Variants in TACC2 observed in about 807,000 individuals in gnomAD.
TACC2 encodes the protein transforming acidic coiled-coil-containing protein 2.
TACC2 carries 137 observed loss-of-function variants against 227.3 expected under a neutral mutation model. The observed-to-expected ratio is 0.60, with a 90% CI of 0.52 to 0.69. TACC2 has a LOEUF of 0.69. Among genes scored for constraint, TACC2 ranks in the 30% least tolerant of loss-of-function variants. The probability of loss-of-function intolerance (pLI) is 0.00; values close to 1 mark genes in which losing one functional copy is unlikely to be tolerated. For synonymous variants in TACC2, 1,523 were observed against 1,487.5 expected, an observed-to-expected ratio of 1.02 and a Z score of -0.55; for missense variants, 3,470 against 3,694.4, an observed-to-expected ratio of 0.94 and a Z score of 1.57.
At chr10:122,215,297 C>A in intron 9 of TACC2, 94 bp from the exon 10 acceptor site, 1 of 1,157,382 alleles carries the variant, frequency 8.6e-7, no homozygotes, top group Non-Finnish European at 1.3e-6. Flanking sequence ...GGCCAGATGG[C>A]TCCGCAGAGG....
In TACC2 at chr10:122,177,831, A is replaced by G. The variant is rs145199358; in HGVS notation, c.5835-17209A>G. On this transcript the variant is annotated intron_variant, in intron 7 of 22. Transcript: ENST00000369005. ...CTGCTAGAAGCTCCAGATCCTGGGT[A>G]GAACAACATGCCCCAGATTCACTGA... Among the ~76,000 whole-genome samples, 8 of 152,308 alleles carry G rather than the reference A, an allele frequency of 5.3e-5. No individual in the cohort carries two copies. In the East Asian group the frequency reaches 1.4e-3, roughly 26 times the overall value.
At chr10:122,152,524 T>A (rs1264624136) in intron 7 of TACC2, among the ~76,000 whole-genome samples, 1 of 152,190 alleles carries the variant, frequency 6.6e-6, no homozygotes, top group Non-Finnish European at 1.5e-5. Flanking sequence ...CCTTACTTGG[T>A]GGGCTGCAGT....
chr10:122,224,856 CAG>C (rs1440336375), intron 12 of TACC2, 69 bp downstream of exon 12: 1 of 1,300,962 alleles, frequency 7.7e-7, no homozygotes, highest in African/African-American at 1.5e-5. Flanking sequence ...CTCCCCTGTG[CAG>C]AGTGTCTCTG....
intron 1 of TACC2, among the ~76,000 whole-genome samples, chr10:122,013,557 A>G (rs1291298881): frequency 6.6e-6 from 1 of 152,154 alleles, no homozygotes; most frequent in African/African-American, 2.4e-5. Context: ...GTGAATAGCA[A>G]TGGGCTTAGG....
In TACC2 at chr10:122,082,143, A is replaced by G. The variant is rs541539274; in HGVS notation, c.147-504A>G. On this transcript the variant is annotated intron_variant, in intron 3 of 22. Coordinates refer to ENST00000369005, the MANE Select transcript of TACC2 (RefSeq NM_206862.4). ...AGCAACATGGCAAGACCCCATCTCT[A>G]CAAAAAATTTAAAAATTAGCTGGGT... Among the ~76,000 whole-genome samples, 22 of 152,282 alleles carry G rather than the reference A, an allele frequency of 1.4e-4. No individual in the cohort carries two copies. The South Asian group carries it at 4.4e-3, about 30-fold the overall frequency.
intron 3 of TACC2, among the ~76,000 whole-genome samples, chr10:122,063,024 C>T (rs1241594979): frequency 6.6e-6 from 1 of 151,924 alleles, no homozygotes; most frequent in African/African-American, 2.4e-5. Context: ...AGAACCGAGG[C>T]TGGTTTGATC....
chr10:122,176,533 A>C (rs1211130944), intron 7 of TACC2, among the ~76,000 whole-genome samples: 1 of 152,150 alleles, frequency 6.6e-6, no homozygotes, highest in African/African-American at 2.4e-5. Flanking sequence ...GCTCATCAAG[A>C]GTCGTAGCAT....
chr10:122,058,257 A>G (rs1045763131), intron 3 of TACC2, among the ~76,000 whole-genome samples: 2 of 152,176 alleles, frequency 1.3e-5, no homozygotes, highest in African/African-American at 4.8e-5. Context: ...AATCTGTTGA[A>G]TGTGTCTACT....
At chr10:122,156,832 G>C (rs891124750) in intron 7 of TACC2, among the ~76,000 whole-genome samples, 1 of 152,180 alleles carries the variant, frequency 6.6e-6, no homozygotes, top group Non-Finnish European at 1.5e-5. Context: ...GACTAGACTT[G>C]TGAGGACATG....
intron 6 of TACC2, among the ~76,000 whole-genome samples, chr10:122,133,695 G>C (rs2088882344): frequency 6.6e-6 from 1 of 152,154 alleles, no homozygotes; most frequent in Non-Finnish European, 1.5e-5. Flanking sequence ...CTTCCTCCCA[G>C]AAGCCTTCTC....
intron 6 of TACC2, among the ~76,000 whole-genome samples, chr10:122,134,191 A>G (rs1347072372): frequency 6.9e-6 from 1 of 145,508 alleles, no homozygotes; most frequent in Non-Finnish European, 1.5e-5. Flanking sequence ...TTTTTTCCTG[A>G]GACGGAGTCT....
At chr10:122,057,426 A>G (rs1356701045) in intron 3 of TACC2, among the ~76,000 whole-genome samples, 5 of 152,074 alleles carry the variant, frequency 3.3e-5, no homozygotes, top group African/African-American at 1.2e-4. Context: ...GAGTCAAAGA[A>G]TGAGAAATAA....
intron 8 of TACC2, among the ~76,000 whole-genome samples, chr10:122,199,302 T>G (rs2094696987): frequency 6.6e-6 from 1 of 152,266 alleles, no homozygotes; most frequent in Non-Finnish European, 1.5e-5. Flanking sequence ...AGTGGCTGTT[T>G]GTGGACAGCT....
At chr10:122,140,506 C>T (rs997778402) in intron 6 of TACC2, among the ~76,000 whole-genome samples, 8 of 152,176 alleles carry the variant, frequency 5.3e-5, no homozygotes, top group Non-Finnish European at 1.5e-5. Flanking sequence ...GATGTTTAGC[C>T]CCAGGCTAGC....
intron 2 of TACC2, among the ~76,000 whole-genome samples, chr10:122,031,763 G>C (rs1429185476): frequency 6.6e-6 from 1 of 150,902 alleles, no homozygotes; most frequent in Non-Finnish European, 1.5e-5. Context: ...GGAGTGCAGT[G>C]GCACAATCTT....
At chr10:122,046,366 C>G (rs1004368862) in intron 2 of TACC2, among the ~76,000 whole-genome samples, 13 of 151,728 alleles carry the variant, frequency 8.6e-5, no homozygotes, top group Admixed American at 1.3e-4. Context: ...CCCAGCTGCT[C>G]GGGAGGCTGA....
intron 1 of TACC2, among the ~76,000 whole-genome samples, chr10:121,990,465 ATTTTGT>A (rs1170950237): frequency 2.0e-5 from 3 of 152,086 alleles, no homozygotes; most frequent in Non-Finnish European, 4.4e-5. Flanking sequence ...TTCGTTTTCA[ATTTTGT>A]TTTTGTCTTA....
At chr10:122,114,655 ACAG>A (rs2084313518) in intron 5 of TACC2, among the ~76,000 whole-genome samples, 1 of 152,318 alleles carries the variant, frequency 6.6e-6, no homozygotes, top group African/African-American at 2.4e-5. Flanking sequence ...TGCAAATGCC[ACAG>A]CAACTCAGCT....
intron 7 of TACC2, among the ~76,000 whole-genome samples, chr10:122,161,350 C>T (rs762907761): frequency 1.3e-5 from 2 of 152,214 alleles, no homozygotes; most frequent in Non-Finnish European, 2.9e-5. Context: ...TACGTAAAAG[C>T]ACTTCACTTT....
Sources: gnomAD v4.1 joint callset for allele counts (sites outside exome capture counted in the v4.1 genomes callset) on GRCh38, gnomAD v4.1.1 for gene constraint, MANE v1.5 for transcripts, NCBI Gene and HGNC (gene_info 2026-07-23, HGNC 2026-07-21) for gene names.